The following ALG9 variants were observed in gnomAD, a reference collection of about 807,000 sequenced individuals.
ALG9 encodes alpha-1,2-mannosyltransferase ALG9.
In ALG9, 55 loss-of-function variants were observed where a neutral mutation model predicts 81.8. The ratio of observed to expected loss-of-function variants is 0.67; its 90% confidence interval spans 0.54 to 0.84. The LOEUF is 0.84. Ranked by LOEUF, ALG9 falls within the 40% of genes least tolerant of loss-of-function variation. ALG9 has a pLI of 0.00. For synonymous variants in ALG9, 278 were observed against 274.3 expected, an observed-to-expected ratio of 1.01 and a Z score of -0.13; for missense variants, 629 against 745.0, an observed-to-expected ratio of 0.84 and a Z score of 1.81.
intron 13 of ALG9, among the ~76,000 whole-genome samples, chr11:111,827,468 GCTTT>G (rs1555109573): frequency 6.7e-6 from 1 of 148,908 alleles, no homozygotes; most frequent in African/African-American, 2.4e-5. Flanking sequence ...AGGAGATTAT[GCTTT>G]CTGTCACCTA....
At chr11:111,829,307 T>C (rs1270524489) in intron 13 of ALG9, 1 of 152,196 alleles carries the variant, frequency 6.6e-6, no homozygotes, top group Non-Finnish European at 1.5e-5. Context: ...TTTCATTTCA[T>C]TAGTCACAGG....
intron 6 of ALG9, among the ~76,000 whole-genome samples, chr11:111,856,668 A>G (rs577657076): frequency 5.3e-5 from 8 of 151,680 alleles, no homozygotes; most frequent in African/African-American, 1.9e-4. Context: ...TCCTTCTAAA[A>G]TAACCTTAGC....
intron 5 of ALG9, among the ~76,000 whole-genome samples, chr11:111,858,283 A>G (rs1555145139): frequency 6.6e-6 from 1 of 151,910 alleles, no homozygotes; most frequent in Non-Finnish European, 1.5e-5. Flanking sequence ...AATTCTAACC[A>G]TGTAATTCCT....
chr11:111,812,181 C>A (rs1555092079), intron 13 of ALG9, among the ~76,000 whole-genome samples: 3 of 152,086 alleles, frequency 2.0e-5, no homozygotes, highest in Non-Finnish European at 4.4e-5. Context: ...TAATGTCAAT[C>A]AAAATCCTAA....
chr11:111,787,775 AT>A lies in ALG9; in HGVS notation c.1734-1256del, dbSNP rs1448989510. ...ACCTGGCAAAAAATAAATTAAAAAA[AT>A]AAAAAATAAAAATAAATATATGATT... On this transcript the variant is annotated intron_variant, in intron 14 of 14. Coordinates refer to ENST00000616540, the MANE Select transcript of ALG9 (RefSeq NM_024740.2). Among the ~76,000 whole-genome samples the A allele has an allele frequency of 6.6e-5, 10 of 152,240 alleles. No individual in the cohort carries two copies. The East Asian group carries it at 1.7e-3, about 27-fold the overall frequency.
rs1948443548 is a variant in ALG9, at chr11:111,797,307, ACCATGC to A, written c.1734-10793_1734-10788del. On this transcript the variant is annotated intron_variant, in intron 14 of 14. Transcript: ENST00000616540. Reference sequence around the variant, plus strand: ...AGATGCTTACTCTTGGAAGTCAGCCACCATGCTATAAGGAAGCCCAAGCCACATAAA... The same window carrying A: ...AGATGCTTACTCTTGGAAGTCAGCCATATAAGGAAGCCCAAGCCACATAAA... Among the ~76,000 whole-genome samples, 3 of 152,246 alleles carry A rather than the reference ACCATGC, an allele frequency of 2.0e-5. No homozygotes were observed. The South Asian group carries it at 6.2e-4, about 32-fold the overall frequency.
At chr11:111,815,511 G>A (rs1257121597) in intron 13 of ALG9, among the ~76,000 whole-genome samples, 1 of 152,182 alleles carries the variant, frequency 6.6e-6, no homozygotes, top group Admixed American at 6.5e-5. Context: ...AGCAGCTGAT[G>A]AACAACTCAA....
downstream of ALG9, among the ~76,000 whole-genome samples, chr11:111,777,600 G>A (rs1555055679): frequency 1.3e-5 from 2 of 151,940 alleles, no homozygotes; most frequent in East Asian, 3.9e-4. Context: ...TTACACTTTG[G>A]TGCTGTTTTC....
chr11:111,832,446 AT>A (rs201161293), intron 13 of ALG9, among the ~76,000 whole-genome samples: 15 of 147,828 alleles, frequency 1.0e-4, no homozygotes, highest in Non-Finnish European at 1.5e-4. Flanking sequence ...TGGCTAATTT[AT>A]TTTTTTTTTA....
chr11:111,869,100 C>T (rs1234130482), intron 2 of ALG9, among the ~76,000 whole-genome samples: 2 of 151,918 alleles, frequency 1.3e-5, no homozygotes, highest in Admixed American at 1.3e-4. Flanking sequence ...CCAGCCTGGG[C>T]GATCTGCAAT....
chr11:111,800,219 A>G (rs1382305852), intron 14 of ALG9, among the ~76,000 whole-genome samples: 1 of 152,020 alleles, frequency 6.6e-6, no homozygotes, highest in Non-Finnish European at 1.5e-5. Flanking sequence ...GGTGGCTCAC[A>G]CCTGTAATCC....
intron 13 of ALG9, among the ~76,000 whole-genome samples, chr11:111,822,486 C>T (rs1346003759): frequency 2.7e-5 from 4 of 148,128 alleles, no homozygotes; most frequent in East Asian, 4.0e-4. Flanking sequence ...CCAAGGTGGG[C>T]AGACTGCTTG....
chr11:111,806,033 T>C (rs1555084948), intron 14 of ALG9, among the ~76,000 whole-genome samples: 2 of 152,124 alleles, frequency 1.3e-5, no homozygotes, highest in Non-Finnish European at 2.9e-5. Flanking sequence ...ATTTTTTTTG[T>C]ATTTTTAGTA....
At chr11:111,800,750 A>C (rs1949002376) in intron 14 of ALG9, among the ~76,000 whole-genome samples, 1 of 152,336 alleles carries the variant, frequency 6.6e-6, no homozygotes, top group South Asian at 2.1e-4. Flanking sequence ...GTAAGGTCCA[A>C]GAGGACAGCG....
intron 13 of ALG9, chr11:111,814,761 A>G (rs536807118): frequency 6.6e-6 from 1 of 152,284 alleles, no homozygotes; most frequent in East Asian, 1.9e-4. Context: ...GTCAGACCCA[A>G]TTCCATTCCA....
At chr11:111,836,115 T>G in intron 13 of ALG9, 50 bp downstream of exon 13, 1 of 1,611,658 alleles carries the variant, frequency 6.2e-7, no homozygotes, top group Non-Finnish European at 8.5e-7. Flanking sequence ...CAACAGACTT[T>G]TAGGCATAGA....
At chr11:111,818,217 A>G (rs1185177415) in intron 13 of ALG9, among the ~76,000 whole-genome samples, 1 of 152,246 alleles carries the variant, frequency 6.6e-6, no homozygotes, top group Non-Finnish European at 1.5e-5. Context: ...GGGAAGAAGC[A>G]TGGGGTACTC....
intron 13 of ALG9, among the ~76,000 whole-genome samples, chr11:111,821,661 A>C (rs1209294613): frequency 1.6e-4 from 24 of 151,094 alleles, no homozygotes; most frequent in Admixed American, 1.3e-3. Flanking sequence ...TTTGAGATAG[A>C]GTCTCGCTCT....
chr11:111,823,859 C>G (rs1414519084), intron 13 of ALG9, among the ~76,000 whole-genome samples: 3 of 152,166 alleles, frequency 2.0e-5, no homozygotes, highest in African/African-American at 7.2e-5. Context: ...AGCTTGGATT[C>G]AATGTCATCA....
Sources: gnomAD v4.1 joint callset for allele counts (sites outside exome capture counted in the v4.1 genomes callset) on GRCh38, gnomAD v4.1.1 for gene constraint, MANE v1.5 for transcripts, NCBI Gene and HGNC (gene_info 2026-07-23, HGNC 2026-07-21) for gene names.